Variants in SLC35F4 observed in about 807,000 individuals in gnomAD.
SLC35F4 encodes solute carrier family 35 member F4.
SLC35F4 carries 24 observed loss-of-function variants against 44.2 expected under a neutral mutation model. The observed-to-expected ratio is 0.54, with a 90% CI of 0.39 to 0.76. SLC35F4 has a LOEUF of 0.76. SLC35F4 is among the 30% of genes least tolerant of loss of function. The pLI, the probability that SLC35F4 is intolerant of heterozygous loss-of-function variation, is 0.00. For synonymous variants in SLC35F4, 238 were observed against 223.6 expected, an observed-to-expected ratio of 1.06 and a Z score of -0.57; for missense variants, 562 against 586.1, an observed-to-expected ratio of 0.96 and a Z score of 0.42.
chr14:57,830,603 C>T (rs971919882), intron 1 of SLC35F4, among the ~76,000 whole-genome samples: 4 of 152,146 alleles, frequency 2.6e-5, no homozygotes, highest in African/African-American at 9.7e-5. Context: ...AAGCCTATAA[C>T]TTAAAATCTC....
At chr14:57,655,756 T>A (rs1471569468) in intron 1 of SLC35F4, among the ~76,000 whole-genome samples, 1 of 152,090 alleles carries the variant, frequency 6.6e-6, no homozygotes, top group Non-Finnish European at 1.5e-5. Flanking sequence ...CACACACTAC[T>A]CCAGCAGTTC....
intron 1 of SLC35F4, among the ~76,000 whole-genome samples, chr14:57,718,925 G>A (rs1408295356): frequency 6.6e-6 from 1 of 152,102 alleles, no homozygotes; most frequent in East Asian, 1.9e-4. Context: ...CCAATATCTT[G>A]AAGAACTTCC....
rs186122229 is a variant in SLC35F4, at chr14:57,595,354, G to T, written c.104-1230C>A. On this transcript the variant is annotated intron_variant, in intron 1 of 7. Coordinates refer to ENST00000556826, the MANE Select transcript of SLC35F4 (RefSeq NM_001306087.2). ...ATCAGTCATGACATGCTACCAACATGACTTGTTATTGATGATGTTAACTGT... is the reference window on the plus strand; with the variant it reads ...ATCAGTCATGACATGCTACCAACATTACTTGTTATTGATGATGTTAACTGT... 2.8e-3 allele frequency among the ~76,000 whole-genome samples: 427 copies of T among 152,308 alleles called. 3 individuals carry two copies. Among genetic ancestry groups the T allele is most frequent in the Admixed American group, 0.011 (166 of 15,294 alleles).
chr14:57,905,006 A>T lies in SLC35F4; in HGVS notation n.282+76907T>A, dbSNP rs75011436. 5.1e-3 allele frequency among the ~76,000 whole-genome samples: 780 copies of T among 152,332 alleles called. 8 individuals are homozygous for T. Among genetic ancestry groups the T allele is most frequent in the African/African-American group, 0.018 (749 of 41,570 alleles). ...TCAACCCAAAACTTAGTGGTATGTA[A>T]CAATAAGAATAATTTTATCTCATAA... On this transcript the variant is annotated intron_variant and non_coding_transcript_variant, in intron 1 of 1. Coordinates refer to the SLC35F4 transcript ENST00000556568.
In SLC35F4 at chr14:57,916,023, A is replaced by G. The variant is rs796642581; in HGVS notation, n.282+65890T>C. Among the ~76,000 whole-genome samples the G allele has an allele frequency of 3.9e-5, 6 of 152,308 alleles. 1 individual carries two copies. Among genetic ancestry groups the G allele is most frequent in the African/African-American group, 1.4e-4 (6 of 41,572 alleles). On this transcript the variant is annotated intron_variant and non_coding_transcript_variant, in intron 1 of 1. Coordinates refer to the SLC35F4 transcript ENST00000556568. ...TTGTTTTAGTTCGTTTTCTGTTGCT[A>G]TAATAGACTATCACAAATGGGTAAT...
intron 1 of SLC35F4, among the ~76,000 whole-genome samples, chr14:57,679,845 C>G (rs536108439): frequency 6.6e-6 from 1 of 151,888 alleles, no homozygotes; most frequent in South Asian, 2.1e-4. Context: ...ATCCCTGAAT[C>G]GACCAATAAC....
chr14:57,598,458 C>T (rs1193825260), intron 1 of SLC35F4, among the ~76,000 whole-genome samples: 2 of 152,200 alleles, frequency 1.3e-5, no homozygotes, highest in Non-Finnish European at 2.9e-5. Context: ...AAAAGAACTA[C>T]AGCCACTGAG....
intron 4 of SLC35F4, among the ~76,000 whole-genome samples, chr14:57,574,529 G>A (rs1218135014): frequency 1.3e-5 from 2 of 152,146 alleles, no homozygotes; most frequent in Non-Finnish European, 2.9e-5. Flanking sequence ...AAGTTATATA[G>A]TATGTTCCTG....
At chr14:57,751,185 G>A (rs2076876310) in intron 1 of SLC35F4, among the ~76,000 whole-genome samples, 1 of 152,144 alleles carries the variant, frequency 6.6e-6, no homozygotes, top group Non-Finnish European at 1.5e-5. Flanking sequence ...GCTTAGGAAG[G>A]TTATTTTTTC....
At chr14:57,862,850 TTTC>T (rs1480386987) in intron 1 of SLC35F4, among the ~76,000 whole-genome samples, 1 of 152,232 alleles carries the variant, frequency 6.6e-6, no homozygotes, top group African/African-American at 2.4e-5. Context: ...TACTTGTTTA[TTTC>T]TTTATTGTCT....
At chr14:57,651,265 T>C (rs1191282712) in intron 1 of SLC35F4, among the ~76,000 whole-genome samples, 2 of 152,150 alleles carry the variant, frequency 1.3e-5, no homozygotes, top group Non-Finnish European at 2.9e-5. Context: ...CGCCCAAAGC[T>C]TGCCAAATTT....
intron 3 of SLC35F4, among the ~76,000 whole-genome samples, chr14:57,582,200 A>G (rs373796473): frequency 0.011 from 1,563 of 136,568 alleles, 13 homozygotes; most frequent in Middle Eastern, 0.033. Flanking sequence ...AGGCCTAAAC[A>G]TGATTTTTTT....
In SLC35F4 at chr14:57,660,406, C is replaced by T. The variant is rs556276550; in HGVS notation, c.104-66282G>A. Among the ~76,000 whole-genome samples the T allele has an allele frequency of 2.0e-4, 30 of 152,032 alleles. 1 individual carries two copies. In the South Asian group the frequency reaches 6.2e-3, roughly 32 times the overall value. ...TTAGAGTTCACAGCTGTTCTGACAT[C>T]TGCTTCCATCATGCTTCCTCAAATA... On this transcript the variant is annotated intron_variant, in intron 1 of 7. Transcript: ENST00000556826.
chr14:57,581,758 A>C (rs2069284499), intron 3 of SLC35F4, among the ~76,000 whole-genome samples: 2 of 152,348 alleles, frequency 1.3e-5, no homozygotes, highest in South Asian at 4.1e-4. Flanking sequence ...TGCTGAAATC[A>C]CTAGCTATTG....
chr14:57,619,143 T>C (rs557988675), intron 1 of SLC35F4, among the ~76,000 whole-genome samples: 5 of 152,268 alleles, frequency 3.3e-5, no homozygotes, highest in Non-Finnish European at 5.9e-5. Context: ...CCCTACCTAA[T>C]GGCTCTTAAG....
intron 1 of SLC35F4, among the ~76,000 whole-genome samples, chr14:57,619,197 G>T (rs904854628): frequency 2.0e-5 from 3 of 152,146 alleles, no homozygotes; most frequent in Non-Finnish European, 4.4e-5. Flanking sequence ...TCTGCTAAGG[G>T]TCAGACTCCC....
intron 1 of SLC35F4, among the ~76,000 whole-genome samples, chr14:57,884,027 G>T (rs958437598): frequency 6.6e-6 from 1 of 152,106 alleles, no homozygotes; most frequent in East Asian, 1.9e-4. Context: ...AAGAGCCGTG[G>T]ATAAAAATAG....
chr14:57,897,339 T>A (rs1888894863), intron 1 of SLC35F4, among the ~76,000 whole-genome samples: 1 of 151,948 alleles, frequency 6.6e-6, no homozygotes, highest in African/African-American at 2.4e-5. Context: ...GTCAGCATGA[T>A]AAATGACAAA....
chr14:57,780,751 A>G (rs1566847314), intron 1 of SLC35F4, among the ~76,000 whole-genome samples: 2 of 151,952 alleles, frequency 1.3e-5, no homozygotes, highest in Non-Finnish European at 2.9e-5. Flanking sequence ...TATAAAACAT[A>G]AGACACATAT....
Sources: allele counts gnomAD v4.1 joint callset (sites outside exome capture counted in the v4.1 genomes callset), GRCh38; gene constraint gnomAD v4.1.1; transcripts MANE v1.5; gene names NCBI Gene and HGNC (gene_info 2026-07-23, HGNC 2026-07-21).